PRKCE: variants seen among roughly 807,000 people sequenced by gnomAD.
PRKCE encodes the protein protein kinase C epsilon.
A neutral mutation model predicts 85.4 loss-of-function variants in PRKCE; 16 were observed. The observed-to-expected ratio is 0.19, with a 90% CI of 0.13 to 0.28. The LOEUF is 0.28. Ranked by LOEUF, PRKCE falls within the 10% of genes least tolerant of loss-of-function variation. PRKCE has a pLI of 1.00. For missense variants in PRKCE, 573 were observed against 975.2 expected (o/e 0.59, Z 5.49); for synonymous variants, 388 against 371.5 (o/e 1.04, Z -0.51).
chr2:45,786,840 C>A lies in PRKCE; in HGVS notation c.349-56160C>A, dbSNP rs1686636577. Among the ~76,000 whole-genome samples, 3 of 152,212 alleles carry A rather than the reference C, an allele frequency of 2.0e-5. No individual in the cohort carries two copies. The highest frequency in any genetic ancestry group is 1.3e-4 in the Admixed American group (2 of 15,286). On this transcript the variant is annotated intron_variant, in intron 1 of 14. Coordinates refer to ENST00000306156, the MANE Select transcript of PRKCE (RefSeq NM_005400.3). The surrounding 1 kb of genome is among the most constrained non-coding windows in gnomAD (Gnocchi z 5.3). The stretch of plus-strand genomic sequence containing the variant: ...AGGTGGAAACCGAGGGTTTAGACAG[C>A]TGAAGTAACTTGCACAAAATCACAT...
rs76410747 is a variant in PRKCE, at chr2:45,824,791, T to A, written c.349-18209T>A. Among the ~76,000 whole-genome samples, 1,020 of 152,260 alleles carry A rather than the reference T, an allele frequency of 6.7e-3. 15 individuals carry two copies. The highest frequency in any genetic ancestry group is 0.023 in the African/African-American group (976 of 41,536). ...CCTCCCTTTATGTGAGTTTTCTGAT[T>A]TGTTGTGTGTTGCTTATCTGTTTAT... On this transcript the variant is annotated intron_variant, in intron 1 of 14. Coordinates refer to ENST00000306156, the MANE Select transcript of PRKCE (RefSeq NM_005400.3).
chr2:45,788,111 C>T (rs1187389998), intron 1 of PRKCE, among the ~76,000 whole-genome samples: 3 of 152,190 alleles, frequency 2.0e-5, no homozygotes, highest in Non-Finnish European at 4.4e-5. Context: ...CAAGCCGAAA[C>T]TTTTCCTGCC....
At chr2:45,826,283 A>G (rs1689934279) in intron 1 of PRKCE, among the ~76,000 whole-genome samples, 1 of 152,168 alleles carries the variant, frequency 6.6e-6, no homozygotes, top group South Asian at 2.1e-4. Flanking sequence ...ATTTGGGGGA[A>G]TTTTAGAAGG....
At chr2:45,662,966 G>C (rs533097498) in intron 1 of PRKCE, among the ~76,000 whole-genome samples, 98 of 152,270 alleles carry the variant, frequency 6.4e-4, no homozygotes, top group Non-Finnish European at 1.1e-3. Context: ...AACCAGTTTA[G>C]GTAGCTGAGA....
chr2:46,168,830 T>C (rs1678601133), intron 14 of PRKCE, among the ~76,000 whole-genome samples: 1 of 152,164 alleles, frequency 6.6e-6, no homozygotes, highest in Admixed American at 6.5e-5. Context: ...CCTGAGAGCC[T>C]ATGTCAGCCC....
At chr2:45,928,705 A>G (rs1256076045) in intron 2 of PRKCE, among the ~76,000 whole-genome samples, 1 of 152,242 alleles carries the variant, frequency 6.6e-6, no homozygotes, top group African/African-American at 2.4e-5. Flanking sequence ...CGAGACAGAG[A>G]TGAGGCTGGG....
intron 10 of PRKCE, among the ~76,000 whole-genome samples, chr2:46,025,753 G>A (rs962732161): frequency 2.0e-5 from 3 of 152,198 alleles, no homozygotes; most frequent in Non-Finnish European, 4.4e-5. Flanking sequence ...AAGGAAATTG[G>A]CTTTGTAGGG....
At chr2:45,941,065 T>TAAAAAAAAAAAAAAAAAAAA (rs397781944) in intron 2 of PRKCE, among the ~76,000 whole-genome samples, 5 of 67,160 alleles carry the variant, frequency 7.4e-5, no homozygotes, top group African/African-American at 1.8e-4. Flanking sequence ...GACTTCATCC[T>TAAAAAAAAAAAAAAAAAAAA]AAAAAAAAAA....
intron 1 of PRKCE, chr2:45,770,849 A>C (rs1685266594): frequency 7.5e-6 from 1 of 132,944 alleles, no homozygotes; most frequent in Non-Finnish European, 1.6e-5. Flanking sequence ...AGACCAACCA[A>C]ATCAAAACAA....
intron 9 of PRKCE, among the ~76,000 whole-genome samples, chr2:46,009,009 GCTTTGATGACTTA>G (rs1157253611): frequency 6.6e-6 from 1 of 152,324 alleles, no homozygotes; most frequent in East Asian, 1.9e-4. Context: ...CTGCTTTTTA[GCTTTGATGACTTA>G]CATTGGAATA....
chr2:45,979,699 T>A (rs919352855), intron 4 of PRKCE, among the ~76,000 whole-genome samples: 1 of 152,164 alleles, frequency 6.6e-6, no homozygotes, highest in Non-Finnish European at 1.5e-5. Context: ...GAAGTTGCTG[T>A]TCCTTGGGGT....
intron 1 of PRKCE, among the ~76,000 whole-genome samples, chr2:45,731,533 T>G (rs1681572253): frequency 6.6e-6 from 1 of 152,012 alleles, no homozygotes; most frequent in Non-Finnish European, 1.5e-5. Flanking sequence ...AGAAAGAGAC[T>G]CAGAGACATT....
intron 11 of PRKCE, among the ~76,000 whole-genome samples, chr2:46,110,992 G>C (rs1031631880): frequency 6.6e-6 from 1 of 152,078 alleles, no homozygotes; most frequent in South Asian, 2.1e-4. Flanking sequence ...CAAATAATTA[G>C]ATATTTTCCA....
chr2:46,053,621 G>T (rs1374088244), intron 10 of PRKCE, among the ~76,000 whole-genome samples: 1 of 152,030 alleles, frequency 6.6e-6, no homozygotes, highest in African/African-American at 2.4e-5. Flanking sequence ...TTTGTGTCTG[G>T]CCTATTTCAC....
chr2:45,705,415 T>C (rs1044272794), intron 1 of PRKCE, among the ~76,000 whole-genome samples: 2 of 152,148 alleles, frequency 1.3e-5, no homozygotes, highest in South Asian at 2.1e-4. Context: ...TCAGAAAACA[T>C]AGGAGTGACT....
chr2:45,987,307 G>A lies in PRKCE; in HGVS notation c.823+2627G>A, dbSNP rs369302236. ...TCTGTCCATGGGAGCCCAGGAACCC[G>A]GAGGGAATCAGGCCGCATGAGGGCT... On this transcript the variant is annotated intron_variant, in intron 6 of 14. Coordinates refer to ENST00000306156, the MANE Select transcript of PRKCE (RefSeq NM_005400.3). Among the ~76,000 whole-genome samples the A allele has an allele frequency of 1.1e-3, 167 of 152,220 alleles. 1 individual carries two copies. The highest frequency in any genetic ancestry group is 9.3e-3 in the East Asian group (48 of 5,170).
At chr2:45,952,800 T>C (rs1032808663) in intron 2 of PRKCE, among the ~76,000 whole-genome samples, 1 of 152,232 alleles carries the variant, frequency 6.6e-6, no homozygotes, top group African/African-American at 2.4e-5. Flanking sequence ...GAACACTGAA[T>C]GTGCTTTGTT....
At chr2:46,114,979 T>A (rs1672630569) in intron 11 of PRKCE, among the ~76,000 whole-genome samples, 1 of 152,224 alleles carries the variant, frequency 6.6e-6, no homozygotes, top group African/African-American at 2.4e-5. Flanking sequence ...GGAACTCTTG[T>A]GCCATTGACC....
chr2:46,061,833 C>CTTTTCTTTTCTTTTCTTTTCTTTTCT (rs1558408757), intron 10 of PRKCE, among the ~76,000 whole-genome samples: 6 of 133,262 alleles, frequency 4.5e-5, no homozygotes, highest in Admixed American at 3.9e-4. Flanking sequence ...TATTTCTTTT[C>CTTTTCTTTTCTTTTCTTTTCTTTTCT]TTTTCTTTTC....
Sources: allele counts gnomAD v4.1 joint callset (sites outside exome capture counted in the v4.1 genomes callset), GRCh38; gene constraint gnomAD v4.1.1; non-coding constraint Gnocchi (gnomAD v3.1); transcripts MANE v1.5; gene names NCBI Gene and HGNC (gene_info 2026-07-23, HGNC 2026-07-21).